Variants in FAM3C observed in about 807,000 individuals in gnomAD.
FAM3C encodes protein FAM3C.
FAM3C carries 15 observed loss-of-function variants against 32.5 expected under a neutral mutation model. The observed-to-expected ratio is 0.46, with a 90% CI of 0.31 to 0.71. The LOEUF (loss-of-function observed/expected upper bound fraction) is 0.71. Ranked by LOEUF, FAM3C falls within the 30% of genes least tolerant of loss-of-function variation. The pLI is 0.05. For missense variants in FAM3C, 175 were observed against 274.4 expected, an observed-to-expected ratio of 0.64 and a Z score of 2.56; for synonymous variants, 75 against 86.1, an observed-to-expected ratio of 0.87 and a Z score of 0.72.
intron 7 of FAM3C, among the ~76,000 whole-genome samples, chr7:121,361,319 A>G (rs1435367638): frequency 6.6e-6 from 1 of 152,242 alleles, no homozygotes; most frequent in Non-Finnish European, 1.5e-5. Flanking sequence ...AAGATTTTCG[A>G]TAACTGATTA....
chr7:121,394,761 T>C (rs1230991132), intron 1 of FAM3C, among the ~76,000 whole-genome samples: 1 of 152,208 alleles, frequency 6.6e-6, no homozygotes, highest in Non-Finnish European at 1.5e-5. Context: ...TAGTAGCCTC[T>C]AGAAAGAGGT....
chr7:121,376,842 G>C (rs984379366), intron 3 of FAM3C, among the ~76,000 whole-genome samples: 6 of 152,076 alleles, frequency 3.9e-5, no homozygotes, highest in African/African-American at 9.7e-5. Flanking sequence ...CCTCACCTTG[G>C]AGCTGTCAGA....
chr7:121,371,753 G>C (rs978071473), intron 4 of FAM3C, among the ~76,000 whole-genome samples: 2 of 152,080 alleles, frequency 1.3e-5, no homozygotes, highest in Admixed American at 6.5e-5. Context: ...TTTAGGATGT[G>C]GGGGGTTCTG....
At chr7:121,361,699 G>A (rs1002795241) in intron 7 of FAM3C, among the ~76,000 whole-genome samples, 2 of 151,994 alleles carry the variant, frequency 1.3e-5, no homozygotes, top group South Asian at 2.1e-4. Flanking sequence ...TTTTTGAGAC[G>A]GAGTCTGGCT....
At position 121,380,733 on chromosome 7, in the gene FAM3C, T is replaced by TTATATATATATATATATATATATATA. The variant is rs66579763; in HGVS notation, c.14-1720_14-1719insTATATATATATATATATATATATATA. 4.6e-3 allele frequency among the ~76,000 whole-genome samples: 620 copies of TTATATATATATATATATATATATATA among 133,592 alleles called. 7 individuals are homozygous for TTATATATATATATATATATATATATA. Among genetic ancestry groups the TTATATATATATATATATATATATATA allele is most frequent in the Non-Finnish European group, 6.8e-3 (412 of 60,872 alleles). The allele number at this position is 133,592 out of a possible 152,430, so 87.6% of individuals were successfully genotyped here. The stretch of plus-strand genomic sequence containing the variant: ...TTTAAAAAAGCTATATACAAACATT[T>TTATATATATATATATATATATATATA]TATATATATATATATATATATATGA... On this transcript the variant is annotated intron_variant, in intron 2 of 9. Coordinates refer to ENST00000359943, the MANE Select transcript of FAM3C (RefSeq NM_014888.3).
At position 121,365,701 on chromosome 7, in the gene FAM3C, C is replaced by T. The variant is rs534631113; in HGVS notation, c.273-1513G>A. On this transcript the variant is annotated intron_variant, in intron 5 of 9. Transcript: ENST00000359943. ...ATAAATGAAAATAGTTTCAACATAC[C>T]AAATAAAGACAGAAATTGGCAAAGT... 6.6e-5 allele frequency among the ~76,000 whole-genome samples: 10 copies of T among 151,856 alleles called. No individual in the cohort carries two copies. The South Asian group carries it at 1.2e-3, about 19-fold the overall frequency.
intron 6 of FAM3C, among the ~76,000 whole-genome samples, chr7:121,363,302 CT>C (rs1427084977): frequency 2.6e-5 from 4 of 151,944 alleles, no homozygotes; most frequent in African/African-American, 9.7e-5. Context: ...AAAAGTAAAC[CT>C]TTTACAAAAA....
chr7:121,391,199 C>T (rs1458011155), intron 1 of FAM3C, among the ~76,000 whole-genome samples: 1 of 152,080 alleles, frequency 6.6e-6, no homozygotes, highest in Non-Finnish European at 1.5e-5. Context: ...CACAAACATA[C>T]CCAAAACAGA....
intron 8 of FAM3C, 88 bp from the exon 9 acceptor site, chr7:121,351,357 GA>G: frequency 8.6e-7 from 1 of 1,158,116 alleles, no homozygotes; most frequent in South Asian, 2.4e-5. Flanking sequence ...CAAAACATGA[GA>G]CAAAATGAGA....
intron 1 of FAM3C, among the ~76,000 whole-genome samples, chr7:121,391,413 G>A (rs1233095372): frequency 6.6e-6 from 1 of 152,194 alleles, no homozygotes; most frequent in Non-Finnish European, 1.5e-5. Flanking sequence ...TTAACTGTTA[G>A]AGGTTGAACA....
chr7:121,394,945 G>A (rs1033418176), intron 1 of FAM3C, among the ~76,000 whole-genome samples: 13 of 152,120 alleles, frequency 8.5e-5, no homozygotes, highest in African/African-American at 2.4e-4. Context: ...TTAAGAAAAC[G>A]TAACTGCAAA....
chr7:121,370,608 T>C (rs906620517), intron 5 of FAM3C, among the ~76,000 whole-genome samples: 1 of 152,170 alleles, frequency 6.6e-6, no homozygotes, highest in Non-Finnish European at 1.5e-5. Context: ...CAGTTGACAC[T>C]GAGGTAGGAT....
intron 5 of FAM3C, among the ~76,000 whole-genome samples, chr7:121,370,520 T>A (rs1794124973): frequency 1.3e-5 from 2 of 152,156 alleles, no homozygotes; most frequent in African/African-American, 4.8e-5. Context: ...CCATGTCTAG[T>A]TTTCTAGGCA....
intron 2 of FAM3C, among the ~76,000 whole-genome samples, 193 bp downstream of exon 2, chr7:121,382,764 A>T (rs1347835747): frequency 6.6e-6 from 1 of 152,128 alleles, no homozygotes; most frequent in Non-Finnish European, 1.5e-5. Flanking sequence ...GAACAAAAAA[A>T]AAAATTTATG....
At position 121,364,027 on chromosome 7, in the gene FAM3C, T is replaced by C. The variant is rs906479495; in HGVS notation, c.331+103A>G. The C allele has an allele frequency of 3.9e-6, 3 of 774,098 alleles. No individual in the cohort carries two copies. The African/African-American group carries it at 5.1e-5, about 13-fold the overall frequency. 48.0% of individuals were successfully genotyped at this position (774,098 alleles called of 1,614,324 possible). On this transcript the variant is annotated intron_variant, in intron 6 of 9. Transcript: ENST00000359943. ...AGGGATGGGACAGAGGGCTTTATCA[T>C]CAAGAGCAGTACTTTCTAACCTGAT... is the stretch of plus-strand genomic sequence containing the variant.
In FAM3C at chr7:121,382,982, A is replaced by C; in HGVS notation, c.-13T>G. 1.9e-6 allele frequency: 3 copies of C among 1,599,960 alleles called. No individual in the cohort carries two copies. In the South Asian group the frequency reaches 3.3e-5, roughly 18 times the overall value. On this transcript the variant is annotated 5_prime_UTR_variant, in exon 2 of 10. An upstream open reading frame in the 5' UTR loses its in-frame stop. Coordinates refer to ENST00000359943, the MANE Select transcript of FAM3C (RefSeq NM_014888.3). ...CTGCTACCCTCATGTTTGGTTTTTC[A>C]GTTTATGGCACTTTTCATTAATATG...
chr7:121,372,000 AT>A, intron 4 of FAM3C, 109 bp downstream of exon 4: 3 of 753,858 alleles, frequency 4.0e-6, no homozygotes, highest in Non-Finnish European at 6.5e-6. Context: ...TTAAAAAGCA[AT>A]TTCTAAAGCA....
chr7:121,380,134 G>T (rs1204475005), intron 2 of FAM3C: 1 of 152,072 alleles, frequency 6.6e-6, no homozygotes, highest in Non-Finnish European at 1.5e-5. Context: ...AATGGTAACA[G>T]GTGGCATAGT....
intron 8 of FAM3C, among the ~76,000 whole-genome samples, chr7:121,358,358 C>A (rs1646148651): frequency 6.6e-6 from 1 of 151,828 alleles, no homozygotes; most frequent in Non-Finnish European, 1.5e-5. Flanking sequence ...ATCTATAAAT[C>A]TTGTAGTATT....
Sources: gnomAD v4.1 joint callset for allele counts (sites outside exome capture counted in the v4.1 genomes callset) on GRCh38, gnomAD v4.1.1 for gene constraint, MANE v1.5 for transcripts, NCBI Gene and HGNC (gene_info 2026-07-23, HGNC 2026-07-21) for gene names.